ATP10D: variants seen among roughly 807,000 people sequenced by gnomAD.
ATP10D encodes the protein phospholipid-transporting ATPase VD.
A neutral mutation model predicts 144.8 loss-of-function variants in ATP10D; 89 were observed. The observed-to-expected ratio is 0.61, with a 90% CI of 0.52 to 0.73. ATP10D has a LOEUF of 0.73. Ranked by LOEUF, ATP10D falls within the 30% of genes least tolerant of loss-of-function variation. ATP10D has a pLI of 0.00. For synonymous variants in ATP10D, 571 were observed against 615.1 expected (o/e 0.93, Z 1.06); for missense variants, 1,603 against 1,714.8 (o/e 0.93, Z 1.15).
At chr4:47,541,410 A>G (rs980396851) in intron 9 of ATP10D, among the ~76,000 whole-genome samples, 4 of 152,160 alleles carry the variant, frequency 2.6e-5, no homozygotes, top group Admixed American at 6.5e-5. Context: ...TGGATTTTGC[A>G]CTGATTAAGG....
chr4:47,569,204 G>A lies in ATP10D; in HGVS notation c.3163+58G>A, dbSNP rs548489270. 15 of 1,541,274 alleles carry A rather than the reference G, an allele frequency of 9.7e-6. No individual in the cohort carries two copies. The East Asian group carries it at 2.3e-4, about 23-fold the overall frequency. On this transcript the variant is annotated intron_variant, in intron 16 of 22. Coordinates refer to ENST00000273859, the MANE Select transcript of ATP10D (RefSeq NM_020453.4). ...TCCCTTTCACACCACACCAGACACC[G>A]ATCCTTCTGTCTCTTTCTTCTCCCA...
intron 1 of ATP10D, among the ~76,000 whole-genome samples, chr4:47,487,818 G>A (rs1714851594): frequency 6.6e-6 from 1 of 152,058 alleles, no homozygotes; most frequent in African/African-American, 2.4e-5. Context: ...ACAACTATTT[G>A]AGGCAATTAC....
At chr4:47,587,299 A>C in intron 22 of ATP10D, 93 bp downstream of exon 22, 1 of 1,156,926 alleles carries the variant, frequency 8.6e-7, no homozygotes, top group Non-Finnish European at 1.2e-6. Context: ...TTGGCAGCCC[A>C]CCCTGTTTAG....
At chr4:47,517,459 GAT>G (rs1452947165) in intron 3 of ATP10D, among the ~76,000 whole-genome samples, 1 of 152,174 alleles carries the variant, frequency 6.6e-6, no homozygotes, top group Non-Finnish European at 1.5e-5. Flanking sequence ...ATTTGGAGTT[GAT>G]AGTGTGTGTT....
chr4:47,522,864 T>C (rs1034448279), intron 3 of ATP10D, 148 bp from the exon 4 acceptor site: 1 of 670,376 alleles, frequency 1.5e-6, no homozygotes, highest in African/African-American at 1.8e-5. Context: ...CCAACTTGCC[T>C]GGCCCCTTTG....
chr4:47,533,541 A>C (rs987414942), intron 5 of ATP10D, among the ~76,000 whole-genome samples: 3 of 152,158 alleles, frequency 2.0e-5, no homozygotes, highest in African/African-American at 4.8e-5. Context: ...AACAACTTTT[A>C]TATATGTAAG....
At chr4:47,507,059 CAG>C (rs1226476949) in intron 1 of ATP10D, among the ~76,000 whole-genome samples, 1 of 152,116 alleles carries the variant, frequency 6.6e-6, no homozygotes, top group African/African-American at 2.4e-5. Flanking sequence ...CTTACTAAAG[CAG>C]AGTGTGACCA....
At chr4:47,544,343 AG>A (rs1474982520) in intron 9 of ATP10D, among the ~76,000 whole-genome samples, 1 of 152,192 alleles carries the variant, frequency 6.6e-6, no homozygotes, top group East Asian at 1.9e-4. Context: ...GTCTTTGTGG[AG>A]GAGCTGGCAT....
intron 11 of ATP10D, among the ~76,000 whole-genome samples, chr4:47,555,775 A>G (rs1462728341): frequency 1.3e-5 from 2 of 149,828 alleles, no homozygotes; most frequent in Non-Finnish European, 3.0e-5. Context: ...TTTTTCTTGG[A>G]GACAGTCTTA....
intron 1 of ATP10D, among the ~76,000 whole-genome samples, chr4:47,486,414 A>G (rs4695238): frequency 0.98 from 149,843 of 152,370 alleles, 73,733 homozygotes; most frequent in East Asian, 1. Context: ...TGGACAGAGC[A>G]AACCTCTAAC....
At chr4:47,497,109 G>A (rs1251784840) in intron 1 of ATP10D, among the ~76,000 whole-genome samples, 2 of 152,038 alleles carry the variant, frequency 1.3e-5, no homozygotes, top group Non-Finnish European at 2.9e-5. Flanking sequence ...CCGAATTGCT[G>A]GGATTACAGG....
chr4:47,502,547 A>T (rs767666144), intron 1 of ATP10D, among the ~76,000 whole-genome samples: 6 of 148,780 alleles, frequency 4.0e-5, no homozygotes, highest in Admixed American at 6.7e-5. Context: ...CCATCCATAA[A>T]ATATATATAT....
intron 10 of ATP10D, among the ~76,000 whole-genome samples, chr4:47,547,881 A>C (rs1483297413): frequency 1.3e-5 from 2 of 152,206 alleles, no homozygotes; most frequent in Non-Finnish European, 2.9e-5. Flanking sequence ...GCACTAATAT[A>C]AAAACTATTA....
chr4:47,513,848 T>G (rs1413670643), intron 2 of ATP10D, among the ~76,000 whole-genome samples: 1 of 152,166 alleles, frequency 6.6e-6, no homozygotes, highest in Admixed American at 6.5e-5. Context: ...TGAAAAGACT[T>G]AGAGATGATG....
chr4:47,530,267 T>A (rs957347024), intron 5 of ATP10D, among the ~76,000 whole-genome samples: 1 of 152,164 alleles, frequency 6.6e-6, no homozygotes, highest in African/African-American at 2.4e-5. Flanking sequence ...TCCCCCTTTT[T>A]TTATGATATT....
intron 15 of ATP10D, among the ~76,000 whole-genome samples, chr4:47,564,662 C>T (rs1719508125): frequency 6.6e-6 from 1 of 152,096 alleles, no homozygotes. Context: ...TTAGACTCAG[C>T]CCAGTTTTTT....
At chr4:47,587,622 T>G (rs1463216624) in intron 22 of ATP10D, among the ~76,000 whole-genome samples, 1 of 152,058 alleles carries the variant, frequency 6.6e-6, no homozygotes, top group African/African-American at 2.4e-5. Flanking sequence ...AAGTCTAACG[T>G]CAAGCCACCA....
At chr4:47,561,430 T>G (rs1719292366) in intron 14 of ATP10D, among the ~76,000 whole-genome samples, 3 of 152,130 alleles carry the variant, frequency 2.0e-5, no homozygotes, top group Non-Finnish European at 4.4e-5. Flanking sequence ...GCTTAATACG[T>G]GTTATCTTTT....
Position 47,552,216 on chromosome 4 carries a change from G to A in ATP10D, c.1636-2510G>A, listed in dbSNP as rs537171480. 1.6e-4 allele frequency among the ~76,000 whole-genome samples: 25 copies of A among 152,164 alleles called. No homozygotes were observed. The South Asian group carries it at 4.1e-3, about 25-fold the overall frequency. On this transcript the variant is annotated intron_variant, in intron 10 of 22. Transcript: ENST00000273859. ...CAACTTCAGTATTACTTCTGTTCTC[G>A]TGGCCACAGCACAGCCTTTCAGTCA...
Sources: allele counts gnomAD v4.1 joint callset (sites outside exome capture counted in the v4.1 genomes callset), GRCh38; gene constraint gnomAD v4.1.1; transcripts MANE v1.5; gene names NCBI Gene and HGNC (gene_info 2026-07-23, HGNC 2026-07-21).